WDPCP: variants seen among roughly 807,000 people sequenced by gnomAD.
WDPCP encodes the protein WD repeat-containing and planar cell polarity effector protein fritz homolog.
Under a neutral mutation model 93.1 loss-of-function variants are expected in WDPCP, and 71 were observed. The observed-to-expected ratio is 0.76, with a 90% CI of 0.63 to 0.93. The LOEUF (loss-of-function observed/expected upper bound fraction) is 0.93, where lower values mean the gene tolerates loss of function less well. WDPCP is among the 40% of genes least tolerant of loss of function. The pLI, the probability that WDPCP is intolerant of heterozygous loss-of-function variation, is 0.00. For missense variants in WDPCP, 844 were observed against 887.4 expected (o/e 0.95, Z 0.62); for synonymous variants, 315 against 315.0 (o/e 1.00, Z 0.00).
chr2:63,139,283 T>G (rs1176424656), intron 17 of WDPCP, among the ~76,000 whole-genome samples: 1 of 152,208 alleles, frequency 6.6e-6, no homozygotes, highest in Non-Finnish European at 1.5e-5. Flanking sequence ...ACTATAAAAA[T>G]GCATGTACAA....
At chr2:63,282,460 G>A (rs972648098) in intron 13 of WDPCP, among the ~76,000 whole-genome samples, 5 of 152,110 alleles carry the variant, frequency 3.3e-5, no homozygotes, top group Non-Finnish European at 5.9e-5. Flanking sequence ...AGCCGAGATC[G>A]CGCCACTGCA....
intron 1 of WDPCP, among the ~76,000 whole-genome samples, chr2:63,586,922 C>T (rs751468435): frequency 3.3e-5 from 5 of 152,206 alleles, no homozygotes; most frequent in African/African-American, 1.2e-4. Context: ...ATGTGCACAA[C>T]GTGCAAGTTT....
chr2:63,143,185 T>G (rs561109526), intron 17 of WDPCP, among the ~76,000 whole-genome samples: 1 of 152,324 alleles, frequency 6.6e-6, no homozygotes, highest in African/African-American at 2.4e-5. Flanking sequence ...CCTCTTGGTC[T>G]CTTTTAACTG....
chr2:63,426,980 G>T (rs560614684), intron 9 of WDPCP, among the ~76,000 whole-genome samples: 2 of 152,160 alleles, frequency 1.3e-5, no homozygotes, highest in African/African-American at 4.8e-5. Context: ...TAGTCGAGAA[G>T]GACAAAGAAG....
chr2:63,602,522 A>G (rs1709443202), intron 3 of WDPCP, among the ~76,000 whole-genome samples: 1 of 152,080 alleles, frequency 6.6e-6, no homozygotes, highest in African/African-American at 2.4e-5. Flanking sequence ...TATTAACTAG[A>G]CTTACTGAAG....
chr2:63,560,356 A>G (rs993955468), intron 1 of WDPCP, among the ~76,000 whole-genome samples: 5 of 152,238 alleles, frequency 3.3e-5, no homozygotes, highest in African/African-American at 9.6e-5. Context: ...CTACAAGGCT[A>G]CAGTAACCAA....
intron 3 of WDPCP, among the ~76,000 whole-genome samples, chr2:63,626,397 A>T (rs1326005665): frequency 1.3e-5 from 2 of 152,232 alleles, no homozygotes; most frequent in African/African-American, 2.4e-5. Context: ...TAGAGTGAAC[A>T]GGCAACCTAC....
At chr2:63,446,749 T>C (rs1017814483) in intron 6 of WDPCP, among the ~76,000 whole-genome samples, 2 of 152,206 alleles carry the variant, frequency 1.3e-5, no homozygotes, top group Non-Finnish European at 2.9e-5. Context: ...TTTTCAAGAT[T>C]GAAAGTGCCC....
intron 14 of WDPCP, among the ~76,000 whole-genome samples, chr2:63,220,381 T>C (rs758937990): frequency 1.3e-5 from 2 of 152,118 alleles, no homozygotes; most frequent in African/African-American, 2.4e-5. Context: ...GGCTGAATAT[T>C]AGGTGGTTGG....
intron 15 of WDPCP, among the ~76,000 whole-genome samples, chr2:63,172,831 C>G (rs962938930): frequency 2.0e-5 from 3 of 152,054 alleles, no homozygotes; most frequent in African/African-American, 7.2e-5. Flanking sequence ...AGGCAGTTTT[C>G]AAAAAGGATA....
At chr2:63,605,312 G>A in intron 3 of WDPCP, 1 of 1,614,184 alleles carries the variant, frequency 6.2e-7, no homozygotes, top group Non-Finnish European at 8.5e-7. Context: ...CTGTCATCAA[G>A]GCTCGAAAAC....
At chr2:63,154,545 A>G (rs1320943198) in intron 15 of WDPCP, among the ~76,000 whole-genome samples, 1 of 152,050 alleles carries the variant, frequency 6.6e-6, no homozygotes, top group East Asian at 1.9e-4. Flanking sequence ...TTATTTATTC[A>G]CCTGTTGAAG....
intron 2 of WDPCP, among the ~76,000 whole-genome samples, chr2:63,687,086 C>T (rs1168293696): frequency 6.6e-6 from 1 of 152,142 alleles, no homozygotes. Flanking sequence ...TAAAAAAAAT[C>T]GCACAAATAC....
chr2:63,637,824 A>T (rs771931596), intron 3 of WDPCP, among the ~76,000 whole-genome samples: 2 of 152,200 alleles, frequency 1.3e-5, no homozygotes, highest in Non-Finnish European at 2.9e-5. Context: ...AAACTGTCTC[A>T]AATTTTTGGT....
intron 10 of WDPCP, among the ~76,000 whole-genome samples, chr2:63,399,242 T>A (rs971139692): frequency 6.6e-6 from 1 of 152,124 alleles, no homozygotes; most frequent in Non-Finnish European, 1.5e-5. Context: ...AATGCTTGAC[T>A]TCTATTGGAT....
chr2:63,722,676 C>T lies in WDPCP; in HGVS notation n.309-71838G>A, dbSNP rs1295214094. Among the ~76,000 whole-genome samples, 13 of 146,262 alleles carry T rather than the reference C, an allele frequency of 8.9e-5. 1 individual carries two copies. The highest frequency in any genetic ancestry group is 2.0e-4 in the East Asian group (1 of 4,900). On this transcript the variant is annotated intron_variant and non_coding_transcript_variant, in intron 2 of 4. Coordinates refer to the WDPCP transcript ENST00000467687. Reference sequence around the variant, plus strand: ...GGGAGGTGGGGGGGGGTCAGCCCCCCGCCCGGCCAGCCGCCCCGTCCGGGA... The same window carrying T: ...GGGAGGTGGGGGGGGGTCAGCCCCCTGCCCGGCCAGCCGCCCCGTCCGGGA...
At chr2:63,133,420 T>C (rs566559175) in intron 17 of WDPCP, among the ~76,000 whole-genome samples, 2 of 152,138 alleles carry the variant, frequency 1.3e-5, no homozygotes, top group Non-Finnish European at 2.9e-5. Context: ...AGGTCAGCCT[T>C]GTTCGTTTTG....
chr2:63,640,772 G>A (rs1173317126), intron 3 of WDPCP, among the ~76,000 whole-genome samples: 13 of 152,128 alleles, frequency 8.5e-5, no homozygotes, highest in Admixed American at 8.5e-4. Context: ...ATCATGGAGA[G>A]TAGGGTATCC....
At chr2:63,378,226 C>G in intron 12 of WDPCP, 160 bp downstream of exon 12, 1 of 989,030 alleles carries the variant, frequency 1.0e-6, no homozygotes, top group East Asian at 2.7e-5. Context: ...AAAATGAAAA[C>G]AATAACAAAT....
Sources: allele counts gnomAD v4.1 joint callset (sites outside exome capture counted in the v4.1 genomes callset), GRCh38; gene constraint gnomAD v4.1.1; transcripts MANE v1.5; gene names NCBI Gene and HGNC (gene_info 2026-07-23, HGNC 2026-07-21).